SMC6: variants seen among roughly 807,000 people sequenced by gnomAD.
SMC6 encodes the protein structural maintenance of chromosomes 6.
SMC6 carries 79 observed loss-of-function variants against 142.2 expected under a neutral mutation model. The ratio of observed to expected loss-of-function variants is 0.56; its 90% confidence interval spans 0.46 to 0.67. SMC6 has a LOEUF of 0.67. SMC6 is among the 30% of genes least tolerant of loss of function. SMC6 has a pLI of 0.00. For missense variants in SMC6, 1,072 were observed against 1,284.0 expected, an observed-to-expected ratio of 0.83 and a Z score of 2.52; for synonymous variants, 411 against 412.4, an observed-to-expected ratio of 1.00 and a Z score of 0.04.
intron 24 of SMC6, chr2:17,679,291 A>G (rs899063561): frequency 5.1e-6 from 1 of 198,000 alleles, no homozygotes; most frequent in Non-Finnish European, 1.0e-5. Context: ...TTAATAATCT[A>G]AGGCATTACC....
chr2:17,680,065 A>C (rs1349512029), intron 24 of SMC6: 3 of 152,166 alleles, frequency 2.0e-5, no homozygotes, highest in Admixed American at 6.6e-5. Context: ...CTTTTCTTTC[A>C]ATACAGATAT....
In SMC6 at chr2:17,725,341, C is replaced by T. The variant is rs144198428; in HGVS notation, c.642G>A (p.Thr214=). 9.6e-4 allele frequency: 1,541 copies of T among 1,599,406 alleles called. 4 individuals are homozygous for T. The highest frequency in any genetic ancestry group is 4.2e-3 in the Middle Eastern group (25 of 5,996). ...AATCTTCCTTCATCTGTTCAAGTTG[C>T]GTTGCTTTCATGAAGAACTATTATC... ...GDKYKFFMKA[T]QLEQMKEDYS... Residue 214 remains threonine (T), a synonymous_variant, in exon 9 of 28, where the codon ACG becomes ACA. Coordinates refer to ENST00000448223, the MANE Select transcript of SMC6 (RefSeq NM_001142286.2).
intron 13 of SMC6, 26 bp downstream of exon 13, chr2:17,717,062 T>C (rs761631899): frequency 6.3e-7 from 1 of 1,596,612 alleles, no homozygotes; most frequent in South Asian, 1.1e-5. Flanking sequence ...GGGATAGCCA[T>C]GAAAATTTCA....
At position 17,745,912 on chromosome 2, in the gene SMC6, G is replaced by T; in HGVS notation, c.35C>A (p.Pro12His). ...TTGTCTTGGCCTTTTGGCATTTTTA[G>T]GAGAGGAAAAATTTTCTTCCTTTCT... ...AKRKEENFSS[P>H]KNAKRPRQEE... The change falls in exon 3 of 28, where the codon CCT becomes CAT. Residue 12 changes from proline (P) to histidine (H), a missense_variant. By Grantham distance (77) the Pro-to-His change is moderately conservative. This residue lies in a region of SMC6 where 994 missense variants were observed against 1,153.2 expected (regional missense o/e 0.86). Coordinates refer to ENST00000448223, the MANE Select transcript of SMC6 (RefSeq NM_001142286.2). 6.2e-7 allele frequency: 1 copy of T among 1,610,810 alleles called. No homozygotes were observed. Among genetic ancestry groups the T allele is most frequent in the Admixed American group, 1.7e-5 (1 of 59,558 alleles).
chr2:17,735,957 T>G (rs550415620), intron 5 of SMC6, among the ~76,000 whole-genome samples: 1 of 152,202 alleles, frequency 6.6e-6, no homozygotes, highest in Non-Finnish European at 1.5e-5. Context: ...CTCAAACTTG[T>G]GCTGGACCAC....
intron 26 of SMC6, among the ~76,000 whole-genome samples, chr2:17,669,564 G>A (rs1396057541): frequency 6.6e-6 from 1 of 152,132 alleles, no homozygotes; most frequent in Non-Finnish European, 1.5e-5. Flanking sequence ...AGAAAAACAG[G>A]AAAACCAGGA....
Position 17,716,731 on chromosome 2 carries a change from T to C in SMC6, c.1346+10A>G. 1 of 1,604,880 alleles carries C rather than the reference T, an allele frequency of 6.2e-7. No individual in the cohort carries two copies. The highest frequency in any genetic ancestry group is 8.5e-7 in the Non-Finnish European group (1 of 1,177,416). On this transcript the variant is annotated intron_variant, in intron 14 of 27. Coordinates refer to ENST00000448223, the MANE Select transcript of SMC6 (RefSeq NM_001142286.2). Reference sequence around the variant, plus strand: ...TTGAAAAAAATCATTCTAAGGATGTTGCAACTTACTTAATTTTGCCATGTT... The same window carrying C: ...TTGAAAAAAATCATTCTAAGGATGTCGCAACTTACTTAATTTTGCCATGTT...
chr2:17,748,668 T>C (rs1453026918), intron 2 of SMC6, among the ~76,000 whole-genome samples: 5 of 152,242 alleles, frequency 3.3e-5, no homozygotes. Flanking sequence ...CTTTCTTCTC[T>C]GCTAACCACC....
At chr2:17,734,377 C>T (rs1670046551) in intron 5 of SMC6, among the ~76,000 whole-genome samples, 1 of 152,078 alleles carries the variant, frequency 6.6e-6, no homozygotes, top group South Asian at 2.1e-4. Context: ...ACAGATTATG[C>T]CTCAGAAAAA....
At chr2:17,694,002 A>G (rs1301576560) in intron 23 of SMC6, among the ~76,000 whole-genome samples, 2 of 87,454 alleles carry the variant, frequency 2.3e-5, no homozygotes, top group Admixed American at 2.1e-4. Flanking sequence ...CTCCATCTCA[A>G]AAAAAAAAAA....
intron 16 of SMC6, among the ~76,000 whole-genome samples, chr2:17,713,135 C>T (rs1425156945): frequency 6.6e-6 from 1 of 152,212 alleles, no homozygotes; most frequent in African/African-American, 2.4e-5. Flanking sequence ...AACTGCTTCC[C>T]TTTTCCCTTT....
At chr2:17,743,402 A>G (rs899770476) in intron 3 of SMC6, among the ~76,000 whole-genome samples, 1 of 151,146 alleles carries the variant, frequency 6.6e-6, no homozygotes, top group African/African-American at 2.5e-5. Flanking sequence ...TGCTAGCTTT[A>G]GACCTAACTA....
At chr2:17,701,259 C>T (rs1044021759) in intron 20 of SMC6, among the ~76,000 whole-genome samples, 1 of 151,968 alleles carries the variant, frequency 6.6e-6, no homozygotes, top group African/African-American at 2.4e-5. Flanking sequence ...AGAGCAGACA[C>T]TCGATAAATA....
intron 25 of SMC6, among the ~76,000 whole-genome samples, chr2:17,671,876 T>C (rs958583357): frequency 2.0e-5 from 3 of 152,026 alleles, no homozygotes; most frequent in Non-Finnish European, 4.4e-5. Flanking sequence ...TATACATATA[T>C]GCATACAAGG....
At chr2:17,747,843 T>C (rs566182871) in intron 2 of SMC6, among the ~76,000 whole-genome samples, 2 of 152,250 alleles carry the variant, frequency 1.3e-5, no homozygotes, top group Admixed American at 6.5e-5. Context: ...ACACAGTATA[T>C]ATTCCATCAG....
intron 3 of SMC6, 36 bp downstream of exon 3, chr2:17,745,791 A>G (rs1462772066): frequency 1.9e-6 from 3 of 1,559,326 alleles, no homozygotes; most frequent in East Asian, 2.3e-5. Context: ...CAAGAAAAAC[A>G]TATCAAAAAG....
At chr2:17,672,249 A>G (rs1472026195) in intron 25 of SMC6, among the ~76,000 whole-genome samples, 1 of 152,196 alleles carries the variant, frequency 6.6e-6, no homozygotes, top group Non-Finnish European at 1.5e-5. Context: ...TATTACTAAC[A>G]TATCATGGAA....
rs1441771192 is a variant in SMC6, at chr2:17,701,838, A to T, written c.2214T>A (p.Ile738=). The T allele has an allele frequency of 6.4e-7, 1 of 1,559,242 alleles. No homozygotes were observed. ...AAAAAAAGTATTTTACCAAAGTTGC[A>T]ATATCTACAGACTGGTGTTCTTCTA... ...ENIEEHQSVD[I]ATLEDEAQEN... is the part of the protein sequence containing the mutation. Residue 738 remains isoleucine (I), a synonymous_variant, in exon 20 of 28, where the codon ATT becomes ATA. Coordinates refer to ENST00000448223, the MANE Select transcript of SMC6 (RefSeq NM_001142286.2).
At position 17,707,286 on chromosome 2, in the gene SMC6, C is replaced by T; in HGVS notation, c.1939G>A (p.Gly647Arg). The T allele has an allele frequency of 6.2e-7, 1 of 1,602,708 alleles. No individual in the cohort carries two copies. Among genetic ancestry groups the T allele is most frequent in the African/African-American group, 1.3e-5 (1 of 74,456 alleles). Residue 647 changes from glycine (G) to arginine (R), a missense_variant, in exon 18 of 28, where the codon GGA (glycine) becomes AGA (arginine). Gly to Arg is a moderately radical substitution (Grantham distance 125). Coordinates refer to ENST00000448223, the MANE Select transcript of SMC6 (RefSeq NM_001142286.2). ...GTATTTTCAGATGAATAATAACGTCCTGCAAAAACTTGATCACCATCAGCA... is the reference window on the plus strand; with the variant it reads ...GTATTTTCAGATGAATAATAACGTCTTGCAAAAACTTGATCACCATCAGCA... ...FTADGDQVFAGRYYSSENTRP... is the reference protein window; with the variant it reads ...FTADGDQVFARRYYSSENTRP...
Sources: gnomAD v4.1 joint callset for allele counts (sites outside exome capture counted in the v4.1 genomes callset) on GRCh38, gnomAD v4.1.1 for gene constraint, gnomAD v4.1.1 regional missense constraint, MANE v1.5 for transcripts, NCBI Gene and HGNC (gene_info 2026-07-23, HGNC 2026-07-21) for gene names.